The following SNX29 variants were observed in gnomAD, a reference collection of about 807,000 sequenced individuals.
SNX29 encodes the protein sorting nexin-29.
A neutral mutation model predicts 102.1 loss-of-function variants in SNX29; 78 were observed. That is an observed-to-expected ratio of 0.76 (90% confidence interval 0.64 to 0.92). SNX29 has a LOEUF of 0.92. Among genes scored for constraint, SNX29 ranks in the 40% least tolerant of loss-of-function variants. The probability of loss-of-function intolerance (pLI) is 0.00; values close to 1 mark genes in which losing one functional copy is unlikely to be tolerated. For missense variants in SNX29, 1,280 were observed against 1,061.7 expected, an observed-to-expected ratio of 1.21 and a Z score of -2.86; for synonymous variants, 580 against 414.5, an observed-to-expected ratio of 1.40 and a Z score of -4.85.
intron 18 of SNX29, among the ~76,000 whole-genome samples, chr16:12,414,984 A>C (rs1159552721): frequency 1.3e-5 from 2 of 152,202 alleles, no homozygotes; most frequent in Non-Finnish European, 2.9e-5. Context: ...CAGCCTCCCA[A>C]AGTGCTGGAA....
chr16:12,084,147 AT>A lies in SNX29; in HGVS notation c.1402+5247del, dbSNP rs74839237. Among the ~76,000 whole-genome samples, 397 of 146,988 alleles carry A rather than the reference AT, an allele frequency of 2.7e-3. 3 individuals carry two copies. Among genetic ancestry groups the A allele is most frequent in the African/African-American group, 4.7e-3 (188 of 40,214 alleles). ...ACAAAAGCCTGTTATGAAAAAGTTAATTTTTTTTTTTTTTTGAGACGGAGTG... is the reference window on the plus strand; with the variant it reads ...ACAAAAGCCTGTTATGAAAAAGTTAATTTTTTTTTTTTTTGAGACGGAGTG... On this transcript the variant is annotated intron_variant, in intron 11 of 20. Transcript: ENST00000566228.
chr16:12,206,035 A>G (rs1596503644), intron 14 of SNX29, among the ~76,000 whole-genome samples: 1 of 152,272 alleles, frequency 6.6e-6, no homozygotes, highest in South Asian at 2.1e-4. Flanking sequence ...GTGCCACCCA[A>G]ATAATGTGCA....
At chr16:12,053,663 G>A (rs922527119) in intron 8 of SNX29, among the ~76,000 whole-genome samples, 101 of 125,044 alleles carry the variant, frequency 8.1e-4, no homozygotes, top group South Asian at 1.6e-3. Context: ...ACAATATTAG[G>A]GTTTTTTTTT....
At chr16:12,158,119 C>A (rs2055630780) in intron 13 of SNX29, among the ~76,000 whole-genome samples, 1 of 152,050 alleles carries the variant, frequency 6.6e-6, no homozygotes. Context: ...CACTCTGTTG[C>A]CCAGGCTTGA....
chr16:12,468,926 G>C (rs1021339856), intron 18 of SNX29, among the ~76,000 whole-genome samples: 3 of 152,244 alleles, frequency 2.0e-5, no homozygotes, highest in Non-Finnish European at 2.9e-5. Context: ...GGCCATGCCA[G>C]TTTCAGAAGC....
chr16:12,555,539 G>T (rs1037896724), intron 20 of SNX29, among the ~76,000 whole-genome samples: 4 of 151,116 alleles, frequency 2.6e-5, no homozygotes, highest in Admixed American at 2.0e-4. Context: ...TCTCTGGGAG[G>T]TCATACCGTG....
At chr16:12,192,134 G>A (rs2076658242) in intron 13 of SNX29, among the ~76,000 whole-genome samples, 1 of 152,170 alleles carries the variant, frequency 6.6e-6, no homozygotes, top group African/African-American at 2.4e-5. Context: ...TGACATTGGG[G>A]CAGGCCTAAT....
At chr16:12,311,583 C>G (rs2080550228) in intron 15 of SNX29, among the ~76,000 whole-genome samples, 1 of 152,254 alleles carries the variant, frequency 6.6e-6, no homozygotes, top group Non-Finnish European at 1.5e-5. Context: ...GCCCGTCCGC[C>G]TTTAGGTCTG....
At position 12,572,050 on chromosome 16, in the gene SNX29, C is replaced by G. The variant is rs116469954; in HGVS notation, c.*3421C>G. On this transcript the variant is annotated 3_prime_UTR_variant, in exon 21 of 21. Coordinates refer to ENST00000566228, the MANE Select transcript of SNX29 (RefSeq NM_032167.5). ...AGGGATCATCCAGTGGAGTTGTAAA[C>G]AAGGGAACCATCTTGCAAGATCTAG... is the stretch of plus-strand genomic sequence containing the variant. 154 of 1,063,584 alleles carry G rather than the reference C, an allele frequency of 1.4e-4. 1 individual carries two copies. The African/African-American group carries it at 2.0e-3, about 14-fold the overall frequency. 65.9% of individuals were successfully genotyped at this position (1,063,584 alleles called of 1,614,324 possible).
In SNX29 at chr16:12,264,344, G is replaced by A. The variant is rs182866449; in HGVS notation, c.1679-13589G>A. On this transcript the variant is annotated intron_variant, in intron 14 of 20. Coordinates refer to ENST00000566228, the MANE Select transcript of SNX29 (RefSeq NM_032167.5). ...AAATTCCAAGGTTCTCTTCTTAAGG[G>A]CAGGCTGCACAGTAATTTCCCGAGG... 1.2e-3 allele frequency among the ~76,000 whole-genome samples: 182 copies of A among 152,348 alleles called. 1 individual carries two copies. The highest frequency in any genetic ancestry group is 4.2e-3 in the African/African-American group (175 of 41,586).
intron 16 of SNX29, among the ~76,000 whole-genome samples, chr16:12,378,780 C>T (rs542219875): frequency 3.9e-5 from 6 of 152,244 alleles, no homozygotes; most frequent in South Asian, 4.2e-4. Flanking sequence ...TGCCTGACTC[C>T]GTTCTCACTG....
At chr16:12,517,629 C>T (rs1239930369) in intron 19 of SNX29, among the ~76,000 whole-genome samples, 1 of 152,188 alleles carries the variant, frequency 6.6e-6, no homozygotes, top group Non-Finnish European at 1.5e-5. Context: ...GATCTCCAGG[C>T]GCTGTGATAG....
intron 18 of SNX29, among the ~76,000 whole-genome samples, chr16:12,474,989 A>G (rs1410665817): frequency 6.6e-6 from 1 of 152,096 alleles, no homozygotes; most frequent in African/African-American, 2.4e-5. Context: ...ACCTCAGCCT[A>G]CTCATTCCTA....
intron 13 of SNX29, among the ~76,000 whole-genome samples, chr16:12,164,348 T>C (rs910031434): frequency 5.3e-5 from 8 of 152,328 alleles, no homozygotes; most frequent in South Asian, 2.1e-4. Flanking sequence ...GTACTAGTTA[T>C]GCTGGTTTAA....
chr16:12,501,150 C>G (rs1213385901), intron 19 of SNX29, among the ~76,000 whole-genome samples: 2 of 152,184 alleles, frequency 1.3e-5, no homozygotes, highest in Non-Finnish European at 2.9e-5. Context: ...AACCCCAGCA[C>G]TTTGGGAGAT....
At chr16:12,526,760 C>G (rs1167490355) in intron 20 of SNX29, 39 of 432,818 alleles carry the variant, frequency 9.0e-5, no homozygotes, top group South Asian at 7.9e-4. Context: ...GGCGCTGCCC[C>G]ATCCGCAAGT....
At position 12,346,966 on chromosome 16, in the gene SNX29, T is replaced by C. The variant is rs189679784; in HGVS notation, c.1783-9197T>C. Among the ~76,000 whole-genome samples, 332 of 152,306 alleles carry C rather than the reference T, an allele frequency of 2.2e-3. 3 individuals are homozygous for C. The highest frequency in any genetic ancestry group is 3.7e-3 in the Non-Finnish European group (251 of 68,028). ...ACCTGGCAGCCCCGTGGCCAAGCGA[T>C]GACGGTCACCTAAACCTCTGCTTCT... is the stretch of plus-strand genomic sequence containing the variant. On this transcript the variant is annotated intron_variant, in intron 15 of 20. Coordinates refer to ENST00000566228, the MANE Select transcript of SNX29 (RefSeq NM_032167.5).
chr16:12,443,340 A>G (rs984272676), intron 18 of SNX29: 1 of 167,348 alleles, frequency 6.0e-6, no homozygotes, highest in African/African-American at 2.4e-5. Flanking sequence ...TTGCGCAGAT[A>G]CTCTGATAAA....
intron 1 of SNX29, among the ~76,000 whole-genome samples, chr16:11,998,919 G>A (rs2056185592): frequency 6.6e-6 from 1 of 152,200 alleles, no homozygotes; most frequent in African/African-American, 2.4e-5. Context: ...GTTGACAACT[G>A]GGGGCAGTTT....
Sources: allele counts gnomAD v4.1 joint callset (sites outside exome capture counted in the v4.1 genomes callset), GRCh38; gene constraint gnomAD v4.1.1; transcripts MANE v1.5; gene names NCBI Gene and HGNC (gene_info 2026-07-23, HGNC 2026-07-21).